PCOLCE2: variants seen among roughly 807,000 people sequenced by gnomAD.
PCOLCE2 encodes procollagen C-proteinase enhancer 2.
A neutral mutation model predicts 47.0 loss-of-function variants in PCOLCE2; 42 were observed. The observed-to-expected ratio is 0.89, with a 90% confidence interval of 0.70 to 1.16. PCOLCE2 has a LOEUF of 1.16. Ranked by LOEUF, PCOLCE2 falls within the 50% of genes most tolerant of loss-of-function variation. The probability of loss-of-function intolerance (pLI) is 0.00; values close to 1 mark genes in which losing one functional copy is unlikely to be tolerated. For missense variants in PCOLCE2, 500 were observed against 526.1 expected (o/e 0.95, Z 0.49); for synonymous variants, 169 against 191.7 (o/e 0.88, Z 0.98).
chr3:142,872,151 C>T (rs1933404227), intron 2 of PCOLCE2, among the ~76,000 whole-genome samples: 1 of 152,182 alleles, frequency 6.6e-6, no homozygotes, highest in Admixed American at 6.5e-5. Context: ...CTTGTGCTGA[C>T]TCCTGGCTTC....
At chr3:142,873,393 CAAAA>C (rs374190713) in intron 2 of PCOLCE2, among the ~76,000 whole-genome samples, 2 of 81,632 alleles carry the variant, frequency 2.5e-5, no homozygotes, top group African/African-American at 4.2e-5. Context: ...AACTCCATCT[CAAAA>C]AAAAAAAAAA....
At chr3:142,820,620 C>G (rs936477810) in intron 8 of PCOLCE2, among the ~76,000 whole-genome samples, 1 of 152,160 alleles carries the variant, frequency 6.6e-6, no homozygotes, top group Non-Finnish European at 1.5e-5. Context: ...AATCTCTCCA[C>G]CCTGCACTGC....
chr3:142,822,387 G>GT (rs1191961444), intron 7 of PCOLCE2, among the ~76,000 whole-genome samples: 1 of 152,110 alleles, frequency 6.6e-6, no homozygotes, highest in Non-Finnish European at 1.5e-5. Flanking sequence ...ATTTTGCCAT[G>GT]TAAGCGGTCA....
chr3:142,830,334 G>A (rs1379371966), intron 5 of PCOLCE2, among the ~76,000 whole-genome samples: 1 of 152,174 alleles, frequency 6.6e-6, no homozygotes, highest in Non-Finnish European at 1.5e-5. Context: ...TGGCTACAGA[G>A]CATAAAATGG....
At chr3:142,830,149 T>C (rs117709614) in intron 5 of PCOLCE2, among the ~76,000 whole-genome samples, 1 of 152,198 alleles carries the variant, frequency 6.6e-6, no homozygotes, top group Non-Finnish European at 1.5e-5. Flanking sequence ...CAAGGCCCTA[T>C]AGCTAGTATG....
chr3:142,888,334 T>C (rs1427634277), intron 1 of PCOLCE2, among the ~76,000 whole-genome samples: 2 of 152,148 alleles, frequency 1.3e-5, no homozygotes, highest in African/African-American at 4.8e-5. Context: ...GCCCAGCTCC[T>C]GGGGCCTTCC....
At chr3:142,845,534 A>G (rs377028881) in intron 3 of PCOLCE2, among the ~76,000 whole-genome samples, 2 of 152,344 alleles carry the variant, frequency 1.3e-5, no homozygotes, top group East Asian at 3.9e-4. Flanking sequence ...CAACCTGAGG[A>G]ATTCTCTTCA....
At chr3:142,829,034 T>C (rs370474142) in intron 6 of PCOLCE2, among the ~76,000 whole-genome samples, 2 of 152,126 alleles carry the variant, frequency 1.3e-5, no homozygotes, top group East Asian at 3.9e-4. Flanking sequence ...CTTCCCGCTT[T>C]TCCCCCTCCT....
intron 2 of PCOLCE2, among the ~76,000 whole-genome samples, chr3:142,872,095 T>A (rs976759795): frequency 6.6e-6 from 1 of 151,876 alleles, no homozygotes; most frequent in Non-Finnish European, 1.5e-5. Context: ...GGGAGGAGAG[T>A]CCAGTCAGGG....
Position 142,888,980 on chromosome 3 carries a change from C to CGCTAACACTGGCAGCAGCGCTG in PCOLCE2, c.-85_-84insCAGCGCTGCTGCCAGTGTTAGC. On this transcript the variant is annotated 5_prime_UTR_variant, in exon 1 of 9. Transcript: ENST00000295992. ...TCCGCACCCACCGCGCTCACACCGC[C>CGCTAACACTGGCAGCAGCGCTG]GCTCACACTGGCAGCAGCGCTGGCT... 3.9e-6 allele frequency: 2 copies of CGCTAACACTGGCAGCAGCGCTG among 514,054 alleles called. No individual in the cohort carries two copies. The highest frequency in any genetic ancestry group is 6.3e-6 in the Non-Finnish European group (2 of 316,242). 31.8% of individuals were successfully genotyped at this position (514,054 alleles called of 1,614,324 possible). A position where few individuals can be genotyped will look rare whatever the true frequency, so the allele number is the denominator to read the frequency against.
chr3:142,881,156 T>C (rs1933603759), intron 2 of PCOLCE2, among the ~76,000 whole-genome samples: 1 of 152,206 alleles, frequency 6.6e-6, no homozygotes. Flanking sequence ...ACACAGGAAG[T>C]GCTCAAAAAC....
chr3:142,847,930 G>A (rs1316361703), intron 3 of PCOLCE2, among the ~76,000 whole-genome samples: 1 of 152,178 alleles, frequency 6.6e-6, no homozygotes, highest in Non-Finnish European at 1.5e-5. Flanking sequence ...GGCTATTTCT[G>A]GAGAATGGAC....
chr3:142,823,453 T>C, intron 7 of PCOLCE2, 79 bp downstream of exon 7: 1 of 838,090 alleles, frequency 1.2e-6, no homozygotes, highest in South Asian at 1.5e-5. Context: ...CACCATAAAT[T>C]CATAGGAATT....
intron 2 of PCOLCE2, among the ~76,000 whole-genome samples, chr3:142,862,945 T>C (rs893206938): frequency 1.6e-4 from 24 of 152,206 alleles, no homozygotes; most frequent in African/African-American, 5.8e-4. Flanking sequence ...AATATTTTTA[T>C]AGGACAAATT....
intron 2 of PCOLCE2, among the ~76,000 whole-genome samples, chr3:142,876,907 TGTG>T (rs1933507199): frequency 6.6e-6 from 1 of 151,992 alleles, no homozygotes; most frequent in Non-Finnish European, 1.5e-5. Context: ...TACCAGGAGG[TGTG>T]GTGATTGGGG....
chr3:142,884,198 T>C (rs1288595706), intron 2 of PCOLCE2, among the ~76,000 whole-genome samples: 1 of 152,194 alleles, frequency 6.6e-6, no homozygotes, highest in Non-Finnish European at 1.5e-5. Context: ...ACCACTGTAA[T>C]AGAGGGGTCC....
At chr3:142,863,351 G>C (rs557725864) in intron 2 of PCOLCE2, among the ~76,000 whole-genome samples, 2 of 152,226 alleles carry the variant, frequency 1.3e-5, no homozygotes, top group East Asian at 1.9e-4. Flanking sequence ...GAGGGACAGA[G>C]GGTGTCATAA....
intron 2 of PCOLCE2, among the ~76,000 whole-genome samples, chr3:142,882,589 A>ATTATTTTTTTTTTTTTTTTTTTTTTTT (rs1188049251): frequency 6.6e-6 from 1 of 151,640 alleles, no homozygotes; most frequent in African/African-American, 2.4e-5. Context: ...TTATTATTAT[A>ATTATTTTTTTTTTTTTTTTTTTTTTTT]CTTTAGAGAA....
At chr3:142,835,766 T>A (rs544817926) in intron 5 of PCOLCE2, among the ~76,000 whole-genome samples, 1 of 152,094 alleles carries the variant, frequency 6.6e-6, no homozygotes, top group Non-Finnish European at 1.5e-5. Context: ...CTCAGCCTCC[T>A]GAGTAGCTGG....
Sources: gnomAD v4.1 joint callset for allele counts (sites outside exome capture counted in the v4.1 genomes callset) on GRCh38, gnomAD v4.1.1 for gene constraint, MANE v1.5 for transcripts, NCBI Gene and HGNC (gene_info 2026-07-23, HGNC 2026-07-21) for gene names.